The following CAMTA1 variants were observed in gnomAD, a reference collection of about 807,000 sequenced individuals.
CAMTA1 encodes calmodulin binding transcription activator 1.
In CAMTA1, 27 loss-of-function variants were observed where a neutral mutation model predicts 170.9. That is an observed-to-expected ratio of 0.16 (90% CI 0.12 to 0.22). The LOEUF (loss-of-function observed/expected upper bound fraction) is 0.22, where lower values mean the gene tolerates loss of function less well. Among genes scored for constraint, CAMTA1 ranks in the 10% least tolerant of loss-of-function variants. CAMTA1 has a pLI of 1.00. For synonymous variants in CAMTA1, 833 were observed against 891.5 expected, an observed-to-expected ratio of 0.93 and a Z score of 1.17; for missense variants, 1,619 against 2,217.2, an observed-to-expected ratio of 0.73 and a Z score of 5.42.
intron 1 of CAMTA1, among the ~76,000 whole-genome samples, chr1:6,804,553 T>C (rs1032795997): frequency 2.0e-5 from 3 of 152,154 alleles, no homozygotes; most frequent in African/African-American, 4.8e-5. Context: ...TTTATTTCTT[T>C]ATGCATATTT....
rs199680940 is a variant in CAMTA1 at position 7,300,678 on chromosome 1, CAAAA to C, written c.438+51062_438+51065del. On this transcript the variant is annotated intron_variant, in intron 5 of 22. Coordinates refer to ENST00000303635, the MANE Select transcript of CAMTA1 (RefSeq NM_015215.4). The surrounding 1 kb of genome is among the most constrained non-coding windows in gnomAD (Gnocchi z 4.1). ...GACAACAAAGAGCAAAACTCTGTCT[CAAAA>C]AAAAAAAAATTGTATAGATATTGAT... 1.4e-5 allele frequency among the ~76,000 whole-genome samples: 2 copies of C among 138,340 alleles called. No homozygotes were observed. The highest frequency in any genetic ancestry group is 5.3e-5 in the African/African-American group (2 of 37,846). 90.8% of individuals were successfully genotyped at this position (138,340 alleles called of 152,430 possible). A position where few individuals can be genotyped will look rare whatever the true frequency, so the allele number is the denominator to read the frequency against.
At position 7,050,345 on chromosome 1, in the gene CAMTA1, G is replaced by T. The variant is rs1706126985; in HGVS notation, c.235-40959G>T. 6.6e-6 allele frequency among the ~76,000 whole-genome samples: 1 copy of T among 152,188 alleles called. No homozygotes were observed. Among genetic ancestry groups the T allele is most frequent in the Non-Finnish European group, 1.5e-5 (1 of 68,030 alleles). ...TGCCTGCACCCTGAGCTACTCCAGA[G>T]ACGGCATCTGTCTGCTCCGGGGCCA... On this transcript the variant is annotated intron_variant, in intron 3 of 22. Coordinates refer to ENST00000303635, the MANE Select transcript of CAMTA1 (RefSeq NM_015215.4). The surrounding 1 kb of genome is among the most constrained non-coding windows in gnomAD (Gnocchi z 4.8).
rs369191773 is a variant in CAMTA1, at chr1:7,430,175, G to A, written c.439-37655G>A. 4.0e-5 allele frequency among the ~76,000 whole-genome samples: 6 copies of A among 151,370 alleles called. No homozygotes were observed. The East Asian group carries it at 5.9e-4, about 15-fold the overall frequency. ...TGGTGGAGGTGATGGTGATGATGAC[G>A]ATGGCAGTGGTGATGACGGTGATAA... is the stretch of plus-strand genomic sequence containing the variant. On this transcript the variant is annotated intron_variant, in intron 5 of 22. Transcript: ENST00000303635.
In CAMTA1 at chr1:7,732,233, A is replaced by G. The variant is rs1402112013; in HGVS notation, c.2915-215A>G. ...ACAAAAAGAGAATTTCTGGTCTTTT[A>G]TCCGAGAACTTCGGGCTGCTGAAGG... On this transcript the variant is annotated intron_variant, in intron 11 of 22. Coordinates refer to ENST00000303635, the MANE Select transcript of CAMTA1 (RefSeq NM_015215.4). The surrounding 1 kb of genome is among the most constrained non-coding windows in gnomAD (Gnocchi z 4.1). Among the ~76,000 whole-genome samples the G allele has an allele frequency of 6.6e-6, 1 of 152,130 alleles. No homozygotes were observed. Among genetic ancestry groups the G allele is most frequent in the African/African-American group, 2.4e-5 (1 of 41,420 alleles).
chr1:7,480,427 G>A (rs193080264), intron 6 of CAMTA1, among the ~76,000 whole-genome samples: 1 of 151,750 alleles, frequency 6.6e-6, no homozygotes, highest in Non-Finnish European at 1.5e-5. Flanking sequence ...GAGAGAGAGA[G>A]ACAGAGAGAG....
intron 4 of CAMTA1, among the ~76,000 whole-genome samples, chr1:7,154,144 A>G (rs867779582): frequency 1.1e-4 from 17 of 152,322 alleles, no homozygotes; most frequent in Middle Eastern, 3.4e-3. Flanking sequence ...GAGAAGTCCT[A>G]GTAGGAGACA....
At position 7,216,915 on chromosome 1, in the gene CAMTA1, T is replaced by C. The variant is rs1018624788; in HGVS notation, c.303-32576T>C. On this transcript the variant is annotated intron_variant, in intron 4 of 22. Transcript: ENST00000303635. The surrounding 1 kb of genome is among the most constrained non-coding windows in gnomAD (Gnocchi z 4.0). ...GAATGTGATTTTTAGCATTAGAAGG[T>C]GTCATAATGTTGTTTCTTAAATTAT... is the stretch of plus-strand genomic sequence containing the variant. Among the ~76,000 whole-genome samples, 2 of 152,244 alleles carry C rather than the reference T, an allele frequency of 1.3e-5. No individual in the cohort carries two copies. The highest frequency in any genetic ancestry group is 2.4e-5 in the African/African-American group (1 of 41,464).
rs568871428 is a variant in CAMTA1 at position 7,293,925 on chromosome 1, C to T, written c.438+44299C>T. Among the ~76,000 whole-genome samples the T allele has an allele frequency of 1.4e-4, 22 of 152,206 alleles. No individual in the cohort carries two copies. Among genetic ancestry groups the T allele is most frequent in the Non-Finnish European group, 2.6e-4 (18 of 68,040 alleles). On this transcript the variant is annotated intron_variant, in intron 5 of 22. Transcript: ENST00000303635. The surrounding 1 kb of genome is among the most constrained non-coding windows in gnomAD (Gnocchi z 4.1). Reference sequence around the variant, plus strand: ...GGCTTTTGTAATCCTTTTTCTGCTTCGTGCTAGCAGCCTCGCACTTCCCAC... The same window carrying T: ...GGCTTTTGTAATCCTTTTTCTGCTTTGTGCTAGCAGCCTCGCACTTCCCAC...
At chr1:6,974,681 A>G (rs530878978) in intron 3 of CAMTA1, among the ~76,000 whole-genome samples, 40 of 152,310 alleles carry the variant, frequency 2.6e-4, no homozygotes, top group Admixed American at 3.9e-4. Context: ...GTCCTGGAAG[A>G]CAGTCTGTGC....
chr1:7,760,547 C>CATCATGG (rs1282100029), intron 22 of CAMTA1, among the ~76,000 whole-genome samples: 3 of 152,206 alleles, frequency 2.0e-5, no homozygotes, highest in Non-Finnish European at 2.9e-5. Context: ...TGGGATGTGT[C>CATCATGG]ATCATGGATG....
At chr1:7,690,261 G>A (rs1189066477) in intron 11 of CAMTA1, among the ~76,000 whole-genome samples, 1 of 152,214 alleles carries the variant, frequency 6.6e-6, no homozygotes, top group Non-Finnish European at 1.5e-5. Flanking sequence ...TGGTGTCCCC[G>A]CGGAGTGAGC....
chr1:7,750,883 G>A (rs913597764), intron 19 of CAMTA1: 5 of 372,858 alleles, frequency 1.3e-5, no homozygotes, highest in African/African-American at 8.3e-5. Context: ...AAATTTTACT[G>A]TCGAAATCTG....
intron 1 of CAMTA1, among the ~76,000 whole-genome samples, chr1:6,812,561 A>G (rs556726343): frequency 1.1e-4 from 16 of 152,186 alleles, no homozygotes; most frequent in African/African-American, 3.6e-4. Context: ...AGTTTTTTTT[A>G]CTGAATGTAT....
intron 11 of CAMTA1, among the ~76,000 whole-genome samples, chr1:7,697,721 G>C (rs2096391522): frequency 1.3e-5 from 2 of 152,128 alleles, no homozygotes; most frequent in South Asian, 4.1e-4. Flanking sequence ...ATGTCCATTA[G>C]GAGAAACCTG....
At chr1:7,274,762 CA>C (rs1224658312) in intron 5 of CAMTA1, among the ~76,000 whole-genome samples, 5 of 151,982 alleles carry the variant, frequency 3.3e-5, no homozygotes, top group Non-Finnish European at 7.4e-5. Context: ...GATTCAATAG[CA>C]GAATAAATAT....
intron 3 of CAMTA1, among the ~76,000 whole-genome samples, chr1:7,038,113 G>A (rs1052205214): frequency 2.0e-5 from 3 of 152,150 alleles, no homozygotes; most frequent in African/African-American, 4.8e-5. Context: ...TACATGAAAA[G>A]TGCTTACAGG....
intron 11 of CAMTA1, among the ~76,000 whole-genome samples, chr1:7,724,016 A>G (rs530605698): frequency 1.3e-5 from 2 of 152,272 alleles, no homozygotes; most frequent in East Asian, 3.9e-4. Flanking sequence ...GATGGGTTTC[A>G]CCATGTTGGC....
chr1:6,871,791 TTAA>T (rs1384521858), intron 3 of CAMTA1: 1 of 1,534,954 alleles, frequency 6.5e-7, no homozygotes, highest in Admixed American at 2.0e-5. Context: ...GGATTTCTTT[TTAA>T]TAATGTGTGA....
At position 7,195,836 on chromosome 1, in the gene CAMTA1, T is replaced by C. The variant is rs754061458; in HGVS notation, c.303-53655T>C. 5.0e-4 allele frequency among the ~76,000 whole-genome samples: 76 copies of C among 152,212 alleles called. No individual in the cohort carries two copies. Among genetic ancestry groups the C allele is most frequent in the Non-Finnish European group, 9.0e-4 (61 of 68,012 alleles). On this transcript the variant is annotated intron_variant, in intron 4 of 22. Coordinates refer to ENST00000303635, the MANE Select transcript of CAMTA1 (RefSeq NM_015215.4). This position sits in a 1 kb window ranked among gnomAD's most constrained non-coding sequence, Gnocchi z 4.1. ...GAGTTCAAGACCAGCCTGGCCAACA[T>C]GGTGAAACCCCGTCTCTACTAAGAA...
Sources: gnomAD v4.1 joint callset for allele counts (sites outside exome capture counted in the v4.1 genomes callset) on GRCh38, gnomAD v4.1.1 for gene constraint, Gnocchi (gnomAD v3.1) non-coding constraint, MANE v1.5 for transcripts, NCBI Gene and HGNC (gene_info 2026-07-23, HGNC 2026-07-21) for gene names.